NVL: variants seen among roughly 807,000 people sequenced by gnomAD.
The protein encoded by NVL is nuclear valosin-containing protein-like.
In NVL, 84 loss-of-function variants were observed where a neutral mutation model predicts 110.2. That is an observed-to-expected ratio of 0.76 (90% CI 0.64 to 0.91). The LOEUF (loss-of-function observed/expected upper bound fraction) is 0.91, where lower values mean the gene tolerates loss of function less well. Among genes scored for constraint, NVL ranks in the 40% least tolerant of loss-of-function variants. NVL has a pLI of 0.00. For synonymous variants in NVL, 354 were observed against 361.1 expected (o/e 0.98, Z 0.22); for missense variants, 882 against 1,035.9 (o/e 0.85, Z 2.04).
At chr1:224,267,222 A>C (rs1664579022) in intron 18 of NVL, among the ~76,000 whole-genome samples, 1 of 152,160 alleles carries the variant, frequency 6.6e-6, no homozygotes, top group Non-Finnish European at 1.5e-5. Context: ...AGAATGCTTA[A>C]CCTTGAAAAC....
intron 22 of NVL, 61 bp from the exon 23 acceptor site, chr1:224,227,731 G>GC: frequency 6.5e-7 from 1 of 1,532,732 alleles, no homozygotes; most frequent in South Asian, 1.2e-5. Context: ...GCTGAATGGT[G>GC]CCCCCCAAAA....
Position 224,289,662 on chromosome 1 carries a change from G to A in NVL, c.1397C>T (p.Thr466Ile). The change falls in exon 13 of 23, where the codon ACT becomes ATT. Residue 466 changes from threonine (T) to isoleucine (I), a missense_variant. Thr to Ile is a moderately conservative substitution (Grantham distance 89). Coordinates refer to ENST00000281701, the MANE Select transcript of NVL (RefSeq NM_002533.4). ...AFDFCHLAHL[T>I]PGFVGADLMA... ...GAGATCAGCACCAACAAAGCCTGGA[G>A]TTAGGTGTGCTAAGTGACAGAAATC... The A allele has an allele frequency of 1.2e-6, 2 of 1,614,242 alleles. No homozygotes were observed. The highest frequency in any genetic ancestry group is 2.7e-5 in the African/African-American group (2 of 75,066).
chr1:224,303,937 T>A, intron 8 of NVL, 80 bp from the exon 9 acceptor site: 1 of 1,453,404 alleles, frequency 6.9e-7, no homozygotes, highest in Non-Finnish European at 9.2e-7. Flanking sequence ...TTCGGAGCAG[T>A]GAAATGGAGT....
At chr1:224,257,940 T>A (rs536069400) in intron 18 of NVL, among the ~76,000 whole-genome samples, 38 of 152,260 alleles carry the variant, frequency 2.5e-4, no homozygotes, top group South Asian at 1.4e-3. Context: ...ATGTAAGAGC[T>A]AAAATTTTAT....
intron 19 of NVL, among the ~76,000 whole-genome samples, chr1:224,240,593 C>G (rs1324314248): frequency 6.6e-6 from 1 of 152,094 alleles, no homozygotes; most frequent in African/African-American, 2.4e-5. Context: ...TAAGAAAAAT[C>G]TTTTGTGAAA....
At chr1:224,245,485 T>TG (rs1661700327) in intron 19 of NVL, among the ~76,000 whole-genome samples, 1 of 152,218 alleles carries the variant, frequency 6.6e-6, no homozygotes, top group Non-Finnish European at 1.5e-5. Context: ...ATGTGGGTCC[T>TG]GCTCCTCCTG....
At chr1:224,320,008 A>C (rs1431087766) in intron 2 of NVL, among the ~76,000 whole-genome samples, 1 of 152,168 alleles carries the variant, frequency 6.6e-6, no homozygotes, top group Non-Finnish European at 1.5e-5. Context: ...ATCTTCAAAA[A>C]TGTAAAGATC....
rs1256348949 is a variant in NVL at position 224,308,031 on chromosome 1, C to T, written c.575G>A (p.Cys192Tyr). Residue 192 changes from cysteine (C) to tyrosine (Y), a missense_variant, in exon 6 of 23, where the codon TGT (cysteine) becomes TAT (tyrosine). By Grantham distance (194) the Cys-to-Tyr change is radical (BLOSUM62 -2). Around this residue, in one of 4 missense-constraint regions of NVL, gnomAD observed 274 missense variants for 268.4 expected, o/e 1.02. Transcript: ENST00000281701. ...TGGCTTCTTAGGATTACTTTTCTCA[C>T]ATGACAGGTCCAAGAAAAAACTGTC... is the stretch of plus-strand genomic sequence containing the variant. ...KKDSFFLDLSCEKSNPKKPIT... is the reference protein window; with the variant it reads ...KKDSFFLDLSYEKSNPKKPIT... 5 of 1,565,356 alleles carry T rather than the reference C, an allele frequency of 3.2e-6. No individual in the cohort carries two copies. The highest frequency in any genetic ancestry group is 1.2e-5 in the South Asian group (1 of 82,314).
intron 1 of NVL, among the ~76,000 whole-genome samples, chr1:224,328,667 G>A (rs1202531584): frequency 6.6e-6 from 1 of 152,090 alleles, no homozygotes; most frequent in Non-Finnish European, 1.5e-5. Flanking sequence ...CCAGGCTGTT[G>A]ACAGATGGTA....
At position 224,313,172 on chromosome 1, in the gene NVL, A is replaced by AAAC. The variant is rs1553335840; in HGVS notation, c.285-1316_285-1315insGTT. ...AGACGCTGTCTCAAAAAAAAAAAAA[A>AAAC]AAAAAAAACAAGCAAATTCTGTATT... On this transcript the variant is annotated intron_variant, in intron 4 of 22. Transcript: ENST00000281701. 85 of 276,952 alleles carry AAAC rather than the reference A, an allele frequency of 3.1e-4. 1 individual carries two copies. Among genetic ancestry groups the AAAC allele is most frequent in the African/African-American group, 1.3e-3 (55 of 42,566 alleles). The allele number at this position is 276,952 out of a possible 1,614,324, so 17.2% of individuals were successfully genotyped here. A position where few individuals can be genotyped will look rare whatever the true frequency, so the allele number is the denominator to read the frequency against.
intron 18 of NVL, among the ~76,000 whole-genome samples, chr1:224,253,038 A>G: frequency 6.6e-6 from 1 of 151,738 alleles, no homozygotes; most frequent in East Asian, 1.9e-4. Flanking sequence ...TTCTTGTACA[A>G]GTCTTTGTAT....
At chr1:224,293,250 T>C (rs1318688077) in intron 12 of NVL, among the ~76,000 whole-genome samples, 7 of 150,964 alleles carry the variant, frequency 4.6e-5, no homozygotes. Flanking sequence ...TTTGTATTTT[T>C]AGTAGTAACG....
At chr1:224,316,055 C>T (rs1670027014) in intron 4 of NVL, among the ~76,000 whole-genome samples, 1 of 151,916 alleles carries the variant, frequency 6.6e-6, no homozygotes, top group Non-Finnish European at 1.5e-5. Flanking sequence ...ATTAACTGGG[C>T]ATGGTAGCAT....
rs141900308 is a variant in NVL at position 224,230,872 on chromosome 1, G to A, written c.2526+354C>T. The stretch of plus-strand genomic sequence containing the variant: ...AATTCAGCCGGGCGCGGTGGCTCAC[G>A]CCTGTAATCCCAGCACTTTGGGAGG... On this transcript the variant is annotated intron_variant, in intron 22 of 22. Transcript: ENST00000281701. Among the ~76,000 whole-genome samples, 996 of 152,180 alleles carry A rather than the reference G, an allele frequency of 6.5e-3. 12 individuals carry two copies. Among genetic ancestry groups the A allele is most frequent in the African/African-American group, 0.022 (926 of 41,502 alleles).
chr1:224,280,807 T>C (rs377497059), intron 16 of NVL, among the ~76,000 whole-genome samples: 4 of 152,294 alleles, frequency 2.6e-5, no homozygotes, highest in African/African-American at 9.6e-5. Flanking sequence ...TATTTATTAA[T>C]ATGGAACTCA....
intron 2 of NVL, among the ~76,000 whole-genome samples, chr1:224,320,751 T>A (rs1670562695): frequency 6.6e-6 from 1 of 152,146 alleles, no homozygotes; most frequent in Non-Finnish European, 1.5e-5. Flanking sequence ...CCTGGTCTCA[T>A]GCAATCCTCC....
rs1422275321 is a variant in NVL at position 224,296,579 on chromosome 1, C to T, written c.1102G>A (p.Ala368Thr). The stretch of plus-strand genomic sequence containing the variant: ...GCCACTTCTCTTTTGGGGGTAATAG[C>T]ATCAATTTCATCAATGAAAATGATA... ...PCIIFIDEID[A>T]ITPKREVASK... The change falls in exon 11 of 23, where the codon GCT becomes ACT. Residue 368 changes from alanine (A) to threonine (T), a missense_variant. Ala to Thr is a moderately conservative substitution (Grantham distance 58, BLOSUM62 0). This residue lies in a region of NVL where 416 missense variants were observed against 499.3 expected (regional missense o/e 0.83). Transcript: ENST00000281701. 3.1e-6 allele frequency: 5 copies of T among 1,596,412 alleles called. No individual in the cohort carries two copies. Among genetic ancestry groups the T allele is most frequent in the Non-Finnish European group, 4.3e-6 (5 of 1,174,122 alleles).
rs761601899 is a variant in NVL, at chr1:224,227,410, G to A, written c.*216C>T. 2.8e-6 allele frequency: 1 copy of A among 356,948 alleles called. No homozygotes were observed. Among genetic ancestry groups the A allele is most frequent in the Non-Finnish European group, 5.2e-6 (1 of 192,054 alleles). 22.1% of individuals were successfully genotyped at this position (356,948 alleles called of 1,614,324 possible). On this transcript the variant is annotated 3_prime_UTR_variant, in exon 23 of 23. Coordinates refer to ENST00000281701, the MANE Select transcript of NVL (RefSeq NM_002533.4). ...ATTTTATTTCAGCAGTTTAAAAATTGTCCTTTTTCTTAAAGAGGAAGAAGG... is the reference window on the plus strand; with the variant it reads ...ATTTTATTTCAGCAGTTTAAAAATTATCCTTTTTCTTAAAGAGGAAGAAGG...
chr1:224,231,903 C>T (rs1482255812), intron 21 of NVL, among the ~76,000 whole-genome samples: 1 of 151,928 alleles, frequency 6.6e-6, no homozygotes. Flanking sequence ...TGGCACACGC[C>T]TGTAGTCCCA....
Sources: allele counts gnomAD v4.1 joint callset (sites outside exome capture counted in the v4.1 genomes callset), GRCh38; gene constraint gnomAD v4.1.1; regional missense constraint gnomAD v4.1.1; transcripts MANE v1.5; gene names NCBI Gene and HGNC (gene_info 2026-07-23, HGNC 2026-07-21).